CD163: variants seen among roughly 807,000 people sequenced by gnomAD.
The protein encoded by CD163 is CD163 molecule.
Under a neutral mutation model 129.2 loss-of-function variants are expected in CD163, and 64 were observed. That is an observed-to-expected ratio of 0.50 (90% confidence interval 0.41 to 0.61). CD163 has a LOEUF of 0.61. Ranked by LOEUF, CD163 falls within the 20% of genes least tolerant of loss-of-function variation. The pLI is 0.00. For synonymous variants in CD163, 446 were observed against 478.5 expected, an observed-to-expected ratio of 0.93 and a Z score of 0.89; for missense variants, 1,061 against 1,377.9, an observed-to-expected ratio of 0.77 and a Z score of 3.64.
chr12:7,490,396 G>C (rs74608722), intron 6 of CD163, among the ~76,000 whole-genome samples: 1 of 152,080 alleles, frequency 6.6e-6, no homozygotes, highest in East Asian at 1.9e-4. Flanking sequence ...TCTTTGTCAA[G>C]TTAAGAAACA....
intron 4 of CD163, among the ~76,000 whole-genome samples, chr12:7,497,393 A>G (rs1949418280): frequency 6.6e-6 from 1 of 152,242 alleles, no homozygotes; most frequent in South Asian, 2.1e-4. Context: ...AATTTCATCT[A>G]GAGACCTGCT....
Position 7,501,167 on chromosome 12 carries a change from G to T in CD163, c.429C>A (p.His143Gln). 6.2e-7 allele frequency: 1 copy of T among 1,614,092 alleles called. No homozygotes were observed. The highest frequency in any genetic ancestry group is 8.5e-7 in the Non-Finnish European group (1 of 1,180,006). ...AGCAGGTCACTCCAGCATCTTGTTGGTGAGTACAGTTACTATGCTTTCCCC... is the reference window on the plus strand; with the variant it reads ...AGCAGGTCACTCCAGCATCTTGTTGTTGAGTACAGTTACTATGCTTTCCCC... Reference protein sequence around the residue: ...DGWGKHSNCTHQQDAGVTCSD... With the variant: ...DGWGKHSNCTQQQDAGVTCSD... Residue 143 changes from histidine to glutamine, a missense_variant, in exon 3 of 17, where the codon CAC becomes CAA. Coordinates refer to ENST00000432237, the MANE Select transcript of CD163 (RefSeq NM_203416.4).
In CD163 at chr12:7,497,003, TG is replaced by T; in HGVS notation, c.908del (p.Ala303AspfsTer61). The T allele has an allele frequency of 6.2e-7, 1 of 1,614,108 alleles. No homozygotes were observed. On this transcript the variant is annotated frameshift_variant, in exon 5 of 17. Coordinates refer to ENST00000432237, the MANE Select transcript of CD163 (RefSeq NM_203416.4). LOFTEE classifies it high-confidence loss of function. ...CAGTTGGACATCCCAGTTGCTTGCA[TG>T]CCACAGCAGCATCGTAACTGTCCCA... ...DGWDSYDAAV[A>X]CKQLGCPTAV...
intron 6 of CD163, among the ~76,000 whole-genome samples, chr12:7,491,430 T>C (rs1949326268): frequency 1.3e-5 from 2 of 152,064 alleles, no homozygotes; most frequent in Non-Finnish European, 2.9e-5. Flanking sequence ...TGGATTTTTT[T>C]CTGCTAAGTC....
chr12:7,500,932 ACCT>A (rs1027764327), intron 3 of CD163, among the ~76,000 whole-genome samples: 103 of 152,124 alleles, frequency 6.8e-4, no homozygotes, highest in African/African-American at 2.5e-3. Flanking sequence ...GAAGCCAGTC[ACCT>A]CCTCATTAAT....
At chr12:7,495,980 T>G (rs949431502) in intron 5 of CD163, among the ~76,000 whole-genome samples, 3 of 152,184 alleles carry the variant, frequency 2.0e-5, no homozygotes, top group Non-Finnish European at 4.4e-5. Flanking sequence ...ACTGGGTATA[T>G]ACCCAAAGGA....
intron 15 of CD163, chr12:7,480,838 A>G (rs979815289): frequency 1.0e-6 from 1 of 979,268 alleles, no homozygotes; most frequent in Admixed American, 5.2e-5. Context: ...GAAAAAAGTT[A>G]AACTGTCACT....
At position 7,487,316 on chromosome 12, in the gene CD163, CCTTCT is replaced by C. The variant is rs1474961576; in HGVS notation, c.2050+38_2050+42del. 1 of 1,523,894 alleles carries C rather than the reference CCTTCT, an allele frequency of 6.6e-7. No homozygotes were observed. The highest frequency in any genetic ancestry group is 8.8e-7 in the Non-Finnish European group (1 of 1,138,882). The allele number at this position is 1,523,894 out of a possible 1,614,324, so 94.4% of individuals were successfully genotyped here. On this transcript the variant is annotated intron_variant, in intron 8 of 16. Coordinates refer to ENST00000432237, the MANE Select transcript of CD163 (RefSeq NM_203416.4). This position sits in a 1 kb window ranked among gnomAD's most constrained non-coding sequence, Gnocchi z 5.1. ...CTTTTGTTCTTCATCCCTATGTACA[CCTTCT>C]CTTAAGACCCATCACTGGCTGCCCG...
intron 11 of CD163, among the ~76,000 whole-genome samples, chr12:7,484,253 A>G (rs1475245074): frequency 1.3e-5 from 2 of 152,180 alleles, no homozygotes; most frequent in African/African-American, 4.8e-5. Context: ...ATGTTAAATG[A>G]TTAAAGTTAA....
At chr12:7,499,437 T>C (rs1345951121) in intron 3 of CD163, among the ~76,000 whole-genome samples, 2 of 152,190 alleles carry the variant, frequency 1.3e-5, no homozygotes, top group Non-Finnish European at 2.9e-5. Context: ...TTCTGTTTTG[T>C]TTTGTTTCCA....
At chr12:7,492,963 G>T in intron 6 of CD163, among the ~76,000 whole-genome samples, 1 of 152,264 alleles carries the variant, frequency 6.6e-6, no homozygotes, top group East Asian at 1.9e-4. Flanking sequence ...TAAGGCAGTG[G>T]TCAATAATTA....
At chr12:7,495,460 T>C (rs1257196238) in intron 5 of CD163, 59 bp from the exon 6 acceptor site, 18 of 1,394,768 alleles carry the variant, frequency 1.3e-5, no homozygotes, top group East Asian at 7.0e-5. Flanking sequence ...TTCCAGAGGA[T>C]TTTTTTTTGT....
intron 4 of CD163, among the ~76,000 whole-genome samples, chr12:7,498,199 A>C (rs1366729409): frequency 6.6e-6 from 1 of 151,186 alleles, no homozygotes; most frequent in East Asian, 1.9e-4. Context: ...GGGATTTTTT[A>C]CTCTTATTTT....
intron 2 of CD163, 74 bp downstream of exon 2, chr12:7,502,404 G>T: frequency 1.1e-6 from 1 of 940,668 alleles, no homozygotes; most frequent in Non-Finnish European, 1.8e-6. Flanking sequence ...TTGGCCTTCA[G>T]AAAAATTGTT....
At chr12:7,494,013 A>C (rs184660065) in intron 6 of CD163, among the ~76,000 whole-genome samples, 1 of 152,340 alleles carries the variant, frequency 6.6e-6, no homozygotes, top group Non-Finnish European at 1.5e-5. Context: ...TACTAAGTGA[A>C]TACTTCAGGT....
At position 7,482,707 on chromosome 12, in the gene CD163, C is replaced by A; in HGVS notation, c.3183G>T (p.Leu1061=). ...FIAVGILGVV[L]LAIFVALFFL... ...AGAATAATGCGACGAAAATGGCCAA[C>A]AGAACAACCCCAAGGATCCCGACTG... The change falls in exon 14 of 17, where the codon CTG becomes CTT. Residue 1061 remains leucine, a synonymous_variant. Coordinates refer to ENST00000432237, the MANE Select transcript of CD163 (RefSeq NM_203416.4). The A allele has an allele frequency of 1.2e-6, 2 of 1,614,134 alleles. No individual in the cohort carries two copies. The highest frequency in any genetic ancestry group is 1.7e-6 in the Non-Finnish European group (2 of 1,180,006).
chr12:7,471,629 T>C (rs78945489), intron 16 of CD163, among the ~76,000 whole-genome samples: 17,196 of 151,852 alleles, frequency 0.11, 1,290 homozygotes, highest in Admixed American at 0.25. Flanking sequence ...GATGGCTGAA[T>C]AGGAACAGCT....
intron 3 of CD163, among the ~76,000 whole-genome samples, chr12:7,500,148 C>T (rs1488783835): frequency 4.6e-5 from 7 of 151,774 alleles, no homozygotes; most frequent in Non-Finnish European, 1.5e-5. Context: ...AGGCCAGTCA[C>T]GGTGGCTCAC....
At chr12:7,489,987 T>C (rs1018331251) in intron 6 of CD163, among the ~76,000 whole-genome samples, 10 of 152,062 alleles carry the variant, frequency 6.6e-5, no homozygotes, top group African/African-American at 2.4e-4. Flanking sequence ...TTTATTTCCC[T>C]ACCTTATATA....
Sources: allele counts gnomAD v4.1 joint callset (sites outside exome capture counted in the v4.1 genomes callset), GRCh38; gene constraint gnomAD v4.1.1; non-coding constraint Gnocchi (gnomAD v3.1); transcripts MANE v1.5; gene names NCBI Gene and HGNC (gene_info 2026-07-23, HGNC 2026-07-21).